SASH1: variants seen among roughly 807,000 people sequenced by gnomAD.
SASH1 encodes the protein SAM and SH3 domain containing 1, also known as SAM and SH3 domain-containing protein 1.
A neutral mutation model predicts 125.2 loss-of-function variants in SASH1; 44 were observed. The ratio of observed to expected loss-of-function variants is 0.35; its 90% confidence interval spans 0.28 to 0.45. SASH1 has a LOEUF of 0.45. Among genes scored for constraint, SASH1 ranks in the 20% least tolerant of loss-of-function variants. SASH1 has a pLI of 1.00. For missense variants in SASH1, 1,426 were observed against 1,614.5 expected, an observed-to-expected ratio of 0.88 and a Z score of 2.00; for synonymous variants, 639 against 649.1, an observed-to-expected ratio of 0.98 and a Z score of 0.24.
At chr6:148,355,771 G>C (rs2114683025) in intron 1 of SASH1, among the ~76,000 whole-genome samples, 1 of 152,268 alleles carries the variant, frequency 6.6e-6, no homozygotes, top group Middle Eastern at 3.4e-3. Context: ...TGCTGCTCTA[G>C]AGATTAGAAT....
chr6:148,488,852 C>T (rs1449664448), intron 8 of SASH1, among the ~76,000 whole-genome samples: 1 of 152,138 alleles, frequency 6.6e-6, no homozygotes, highest in East Asian at 1.9e-4. Context: ...TGCAGGGGTT[C>T]TTTCTATTTT....
intron 8 of SASH1, chr6:148,514,007 G>A (rs1264767093): frequency 9.7e-7 from 1 of 1,029,812 alleles, no homozygotes; most frequent in Non-Finnish European, 1.2e-6. Context: ...CAGCATCGGA[G>A]GGAGAGTCCT....
chr6:148,308,949 T>C (rs1780219813), intron 1 of SASH1, among the ~76,000 whole-genome samples: 1 of 151,170 alleles, frequency 6.6e-6, no homozygotes, highest in Non-Finnish European at 1.5e-5. Flanking sequence ...CCAGGGGTGG[T>C]GGCACACGCC....
At chr6:148,208,048 C>G in the SASH1 span, among the ~76,000 whole-genome samples, 1 of 152,206 alleles carries the variant, frequency 6.6e-6, no homozygotes, top group African/African-American at 2.4e-5. Flanking sequence ...TGGATGACCA[C>G]CCATCCATTC....
At chr6:148,244,546 G>A in the SASH1 span, among the ~76,000 whole-genome samples, 1 of 152,162 alleles carries the variant, frequency 6.6e-6, no homozygotes, top group Non-Finnish European at 1.5e-5. Context: ...TGGGTGCTAA[G>A]GCGTTGTTTG....
At chr6:148,355,230 T>TA (rs1023966618) in intron 1 of SASH1, among the ~76,000 whole-genome samples, 3 of 152,012 alleles carry the variant, frequency 2.0e-5, no homozygotes, top group Non-Finnish European at 2.9e-5. Context: ...TACAGTTTTT[T>TA]AAAAAAAACC....
intron 8 of SASH1, among the ~76,000 whole-genome samples, chr6:148,497,447 G>C (rs1222132600): frequency 6.6e-6 from 1 of 152,234 alleles, no homozygotes; most frequent in Non-Finnish European, 1.5e-5. Flanking sequence ...TTCACCCTGC[G>C]TGGGCAAGAG....
In SASH1 at chr6:148,519,486, G is replaced by A; in HGVS notation, c.863-61G>A. On this transcript the variant is annotated intron_variant, in intron 9 of 19. Transcript: ENST00000367467. This position sits in a 1 kb window ranked among gnomAD's most constrained non-coding sequence, Gnocchi z 4.8. ...TACGGAGAAAGGTGGTGAATGTAAA[G>A]AAAGATGTATGCAAGAATGCAAAGG... The A allele has an allele frequency of 1.6e-6, 2 of 1,267,774 alleles. No homozygotes were observed. Among genetic ancestry groups the A allele is most frequent in the Non-Finnish European group, 2.3e-6 (2 of 888,294 alleles). The allele number at this position is 1,267,774 out of a possible 1,614,324, so 78.5% of individuals were successfully genotyped here. A position where few individuals can be genotyped will look rare whatever the true frequency, so the allele number is the denominator to read the frequency against.
chr6:148,544,548 C>T lies in SASH1; in HGVS notation c.3078C>T (p.Pro1026=), dbSNP rs200262751. 2.0e-5 allele frequency: 32 copies of T among 1,613,178 alleles called. No homozygotes were observed. The East Asian group carries it at 2.0e-4, about 10-fold the overall frequency. The change falls in exon 18 of 20, where the codon CCC becomes CCT. Residue 1026 remains proline, a synonymous_variant. Transcript: ENST00000367467. This position sits in a 1 kb window ranked among gnomAD's most constrained non-coding sequence, Gnocchi z 6.4. ...APCLPVKRGS[P]ASPTSPSDCP... ...GCCTGCCAGTGAAAAGGGGCAGCCCCGCCAGCCCCACCAGCCCTAGCGACT... is the reference window on the plus strand; with the variant it reads ...GCCTGCCAGTGAAAAGGGGCAGCCCTGCCAGCCCCACCAGCCCTAGCGACT...
intron 1 of SASH1, among the ~76,000 whole-genome samples, chr6:148,337,724 T>C (rs1781202583): frequency 6.6e-6 from 1 of 152,210 alleles, no homozygotes; most frequent in Non-Finnish European, 1.5e-5. Flanking sequence ...CGTGTGTATA[T>C]GTATATATGT....
At chr6:148,252,995 C>T in the SASH1 span, among the ~76,000 whole-genome samples, 4 of 152,248 alleles carry the variant, frequency 2.6e-5, no homozygotes, top group Admixed American at 6.5e-5. Flanking sequence ...GGGACTAGCC[C>T]GTGGGGCAGC....
chr6:148,475,307 T>C (rs968592776), intron 7 of SASH1, among the ~76,000 whole-genome samples: 1 of 152,194 alleles, frequency 6.6e-6, no homozygotes, highest in Non-Finnish European at 1.5e-5. Flanking sequence ...GACTGGGTAA[T>C]TCATCAAGAA....
At chr6:148,535,538 G>A (rs950789131) in intron 16 of SASH1, among the ~76,000 whole-genome samples, 4 of 152,228 alleles carry the variant, frequency 2.6e-5, no homozygotes, top group Non-Finnish European at 5.9e-5. Context: ...TCTCCGCAGT[G>A]AATATGTAGA....
rs920857853 is a variant in SASH1, at chr6:148,536,591, C to T, written c.2095+1690C>T. 3.5e-4 allele frequency among the ~76,000 whole-genome samples: 53 copies of T among 152,302 alleles called. 1 individual carries two copies. The highest frequency in any genetic ancestry group is 3.0e-3 in the Admixed American group (46 of 15,296). ...CTGACCTCAGGTGATCCGCCCACCT[C>T]GGCCTCCCAAAGTGCTGGGATTACA... On this transcript the variant is annotated intron_variant, in intron 16 of 19. Coordinates refer to ENST00000367467, the MANE Select transcript of SASH1 (RefSeq NM_015278.5).
At chr6:148,448,049 G>A (rs1776884173) in intron 4 of SASH1, among the ~76,000 whole-genome samples, 1 of 151,966 alleles carries the variant, frequency 6.6e-6, no homozygotes, top group Non-Finnish European at 1.5e-5. Flanking sequence ...ACAGACTTGA[G>A]GTGAAGTGGC....
At chr6:148,212,166 G>A in the SASH1 span, among the ~76,000 whole-genome samples, 3,727 of 152,292 alleles carry the variant, frequency 0.024, 142 homozygotes, top group African/African-American at 0.085. Context: ...GGAATTGGGA[G>A]TTTAGGAGAA....
At chr6:148,403,832 T>C (rs546344508) in intron 2 of SASH1, among the ~76,000 whole-genome samples, 1 of 152,352 alleles carries the variant, frequency 6.6e-6, no homozygotes, top group Admixed American at 6.5e-5. Context: ...GCACCCCACC[T>C]TCCCATAGTG....
the SASH1 span, among the ~76,000 whole-genome samples, chr6:148,260,862 T>A: frequency 7.0e-6 from 1 of 142,244 alleles, no homozygotes; most frequent in African/African-American, 2.7e-5. Context: ...AGTGCAGTGG[T>A]GCAATCTTGG....
At chr6:148,306,543 C>G (rs1274518518) in intron 1 of SASH1, among the ~76,000 whole-genome samples, 1 of 152,188 alleles carries the variant, frequency 6.6e-6, no homozygotes, top group Non-Finnish European at 1.5e-5. Context: ...TCAACCCACA[C>G]TAAGTTTCTC....
Sources: gnomAD v4.1 joint callset for allele counts (sites outside exome capture counted in the v4.1 genomes callset) on GRCh38, gnomAD v4.1.1 for gene constraint, Gnocchi (gnomAD v3.1) non-coding constraint, MANE v1.5 for transcripts, NCBI Gene and HGNC (gene_info 2026-07-23, HGNC 2026-07-21) for gene names.